PTDSS2: variants seen among roughly 807,000 people sequenced by gnomAD.
PTDSS2 encodes phosphatidylserine synthase 2.
A neutral mutation model predicts 64.7 loss-of-function variants in PTDSS2; 41 were observed. The observed-to-expected ratio is 0.63, with a 90% confidence interval of 0.49 to 0.82. The LOEUF (loss-of-function observed/expected upper bound fraction) is 0.82, where lower values mean the gene tolerates loss of function less well. PTDSS2 is among the 40% of genes least tolerant of loss of function. PTDSS2 has a pLI of 0.00. For synonymous variants in PTDSS2, 297 were observed against 277.8 expected (o/e 1.07, Z -0.69); for missense variants, 485 against 650.0 (o/e 0.75, Z 2.76).
chr11:476,656 C>T lies in PTDSS2; in HGVS notation c.368-2429C>T, dbSNP rs1262923573. ...AGCTCTGAGCAGTCAGGAGCTCTGG[C>T]GCAGGTCACCTGGCGGGATGTGGAG... On this transcript the variant is annotated intron_variant, in intron 3 of 11. Transcript: ENST00000308020. The surrounding 1 kb of genome is among the most constrained non-coding windows in gnomAD (Gnocchi z 4.9). Among the ~76,000 whole-genome samples, 2 of 152,112 alleles carry T rather than the reference C, an allele frequency of 1.3e-5. No individual in the cohort carries two copies. Among genetic ancestry groups the T allele is most frequent in the African/African-American group, 4.8e-5 (2 of 41,432 alleles).
At chr11:487,101 C>T (rs61876332) in intron 5 of PTDSS2, 28 bp downstream of exon 5, 193,369 of 1,599,426 alleles carry the variant, frequency 0.12, 13,767 homozygotes, top group Admixed American at 0.24. Context: ...CTGAGGCGAG[C>T]CCCTCCCCAG....
intron 2 of PTDSS2, among the ~76,000 whole-genome samples, chr11:466,268 GACTCAC>G (rs1198234896): frequency 6.6e-6 from 1 of 152,052 alleles, no homozygotes; most frequent in African/African-American, 2.4e-5. Flanking sequence ...GAGGTTCATC[GACTCAC>G]AGTTCCGAAT....
intron 1 of PTDSS2, chr11:459,451 G>A (rs1399377470): frequency 2.0e-5 from 3 of 153,018 alleles, no homozygotes; most frequent in African/African-American, 7.2e-5. Flanking sequence ...ATCTCTCCGA[G>A]GACACACTCC....
rs1590618973 is a variant in PTDSS2, at chr11:460,018, T to G, written c.183-169T>G. 9.9e-6 allele frequency: 6 copies of G among 606,518 alleles called. No individual in the cohort carries two copies. The highest frequency in any genetic ancestry group is 1.8e-5 in the Non-Finnish European group (6 of 331,958). The allele number at this position is 606,518 out of a possible 1,614,324, so 37.6% of individuals were successfully genotyped here. A position where few individuals can be genotyped will look rare whatever the true frequency, so the allele number is the denominator to read the frequency against. Reference sequence around the variant, plus strand: ...CCCTGACTGGCCAGCAGACGCAGGGTCATCTCGGAGTTACCCAGCTAGGGA... The same window carrying G: ...CCCTGACTGGCCAGCAGACGCAGGGGCATCTCGGAGTTACCCAGCTAGGGA... On this transcript the variant is annotated intron_variant, in intron 1 of 11. Transcript: ENST00000308020. The surrounding 1 kb of genome is among the most constrained non-coding windows in gnomAD (Gnocchi z 5.8).
In PTDSS2 at chr11:461,663, A is replaced by T. The variant is rs1353344447; in HGVS notation, c.284+1375A>T. ...CCCCTTTTTCTGAGCCTGAGGTGCC[A>T]GCTTGCTCCCAGGCCTGGCCTGGCC... On this transcript the variant is annotated intron_variant, in intron 2 of 11. Transcript: ENST00000308020. The surrounding 1 kb of genome is among the most constrained non-coding windows in gnomAD (Gnocchi z 4.2). Among the ~76,000 whole-genome samples, 1 of 152,090 alleles carries T rather than the reference A, an allele frequency of 6.6e-6. No homozygotes were observed. The highest frequency in any genetic ancestry group is 2.4e-5 in the African/African-American group (1 of 41,412).
rs531452754 is a variant in PTDSS2, at chr11:461,562, G to C, written c.284+1274G>C. On this transcript the variant is annotated intron_variant, in intron 2 of 11. Transcript: ENST00000308020. The surrounding 1 kb of genome is among the most constrained non-coding windows in gnomAD (Gnocchi z 4.2). ...TCTCCTGTCCTGGTCTCCCTACCCTGCTCCTGGCTGCATGCTCTGTGGGTT... is the reference window on the plus strand; with the variant it reads ...TCTCCTGTCCTGGTCTCCCTACCCTCCTCCTGGCTGCATGCTCTGTGGGTT... 6.6e-6 allele frequency among the ~76,000 whole-genome samples: 1 copy of C among 152,248 alleles called. No individual in the cohort carries two copies. Among genetic ancestry groups the C allele is most frequent in the African/African-American group, 2.4e-5 (1 of 41,548 alleles).
intron 4 of PTDSS2, among the ~76,000 whole-genome samples, chr11:485,492 G>T (rs1231679174): frequency 6.8e-6 from 1 of 146,034 alleles, no homozygotes; most frequent in Non-Finnish European, 1.5e-5. Context: ...CTGTGCAGGC[G>T]AGTGTAAACT....
intron 1 of PTDSS2, among the ~76,000 whole-genome samples, chr11:458,516 T>G (rs1770170010): frequency 6.7e-6 from 1 of 148,434 alleles, no homozygotes; most frequent in Non-Finnish European, 1.5e-5. Context: ...GATTTTTTTT[T>G]TTTTTTTTTT....
chr11:457,268 G>T (rs1042451185), intron 1 of PTDSS2, among the ~76,000 whole-genome samples: 1 of 152,228 alleles, frequency 6.6e-6, no homozygotes, highest in Admixed American at 6.5e-5. Context: ...CCCATGCACC[G>T]CCACAACCAC....
chr11:460,266 G>T lies in PTDSS2; in HGVS notation c.262G>T (p.Asp88Tyr), dbSNP rs1395917418. The T allele has an allele frequency of 6.2e-7, 1 of 1,613,980 alleles. No individual in the cohort carries two copies. Among genetic ancestry groups the T allele is most frequent in the African/African-American group, 1.3e-5 (1 of 74,926 alleles). Residue 88 changes from aspartate (D) to tyrosine (Y), a missense_variant, in exon 2 of 12, where the codon GAC becomes TAC. Coordinates refer to ENST00000308020, the MANE Select transcript of PTDSS2 (RefSeq NM_030783.3). This position sits in a 1 kb window ranked among gnomAD's most constrained non-coding sequence, Gnocchi z 5.8. ...GACGCTGCTGGAGGAAACACCTCAG[G>T]ACACGGCCTACAACACCAAGAGGTA... is the stretch of plus-strand genomic sequence containing the variant. ...YVTLLEETPQ[D>Y]TAYNTKRGIV...
chr11:474,071 C>A, intron 3 of PTDSS2, 94 bp downstream of exon 3: 1 of 1,050,014 alleles, frequency 9.5e-7, no homozygotes, highest in Non-Finnish European at 1.5e-6. Flanking sequence ...GTGTCCTGTC[C>A]TCCCCTCCGC....
At chr11:449,228 A>G (rs995790620), upstream of PTDSS2, among the ~76,000 whole-genome samples, 6 of 152,246 alleles carry the variant, frequency 3.9e-5, no homozygotes, top group East Asian at 7.7e-4. Context: ...CCACAATGCC[A>G]GGGCAATTTT....
intron 2 of PTDSS2, among the ~76,000 whole-genome samples, chr11:466,454 G>T (rs1847146147): frequency 1.4e-5 from 2 of 145,778 alleles, no homozygotes. Context: ...TGCCCAGGCT[G>T]GAGTGCAGTG....
intron 1 of PTDSS2, chr11:451,314 C>A: frequency 2.4e-6 from 1 of 417,928 alleles, no homozygotes; most frequent in Non-Finnish European, 5.0e-6. Flanking sequence ...AAGGAAGAGG[C>A]CCCCGGGAGC....
chr11:484,962 G>A lies in PTDSS2; in HGVS notation c.436-1977G>A, dbSNP rs370888220. Among the ~76,000 whole-genome samples, 22 of 139,102 alleles carry A rather than the reference G, an allele frequency of 1.6e-4. No homozygotes were observed. The East Asian group carries it at 2.3e-3, about 15-fold the overall frequency. 91.3% of individuals were successfully genotyped at this position (139,102 alleles called of 152,430 possible). A position where few individuals can be genotyped will look rare whatever the true frequency, so the allele number is the denominator to read the frequency against. ...GGGCGCGTGTGTGCTCACTGTGTGC[G>A]CAGGCGAGCGTAAACTGCACGGGCA... On this transcript the variant is annotated intron_variant, in intron 4 of 11. Transcript: ENST00000308020.
intron 2 of PTDSS2, among the ~76,000 whole-genome samples, chr11:464,875 A>C (rs1171291064): frequency 1.3e-5 from 2 of 152,256 alleles, no homozygotes; most frequent in Non-Finnish European, 2.9e-5. Context: ...TAATACATAT[A>C]AAACATAATG....
chr11:490,565 G>A lies in PTDSS2; in HGVS notation c.1447G>A (p.Ala483Thr), dbSNP rs1490985664. ...LGPGVAEGEG[A>T]PTPN is the part of the protein sequence containing the mutation. Reference sequence around the variant, plus strand: ...GCCTGGGGTGGCCGAGGGCGAGGGAGCACCAACTCCAAACTGACCTGGGCC... The same window carrying A: ...GCCTGGGGTGGCCGAGGGCGAGGGAACACCAACTCCAAACTGACCTGGGCC... The change falls in exon 12 of 12, where the codon GCA becomes ACA. Residue 483 changes from alanine (A) to threonine (T), a missense_variant. By Grantham distance (58) the Ala-to-Thr change is moderately conservative. This residue lies in a region of PTDSS2 where 219 missense variants were observed against 257.3 expected (regional missense o/e 0.85). Coordinates refer to ENST00000308020, the MANE Select transcript of PTDSS2 (RefSeq NM_030783.3). 2 of 1,601,728 alleles carry A rather than the reference G, an allele frequency of 1.2e-6. No individual in the cohort carries two copies. Among genetic ancestry groups the A allele is most frequent in the Non-Finnish European group, 1.7e-6 (2 of 1,174,832 alleles).
chr11:453,500 G>A (rs1361493774), intron 1 of PTDSS2, among the ~76,000 whole-genome samples: 1 of 152,216 alleles, frequency 6.6e-6, no homozygotes, highest in Non-Finnish European at 1.5e-5. Flanking sequence ...CCTCAAATGA[G>A]CCTTCTCAGT....
Position 461,825 on chromosome 11 carries a change from C to T in PTDSS2, c.284+1537C>T, listed in dbSNP as rs949897230. Among the ~76,000 whole-genome samples the T allele has an allele frequency of 1.3e-5, 2 of 152,196 alleles. No homozygotes were observed. The highest frequency in any genetic ancestry group is 2.9e-5 in the Non-Finnish European group (2 of 68,034). On this transcript the variant is annotated intron_variant, in intron 2 of 11. Transcript: ENST00000308020. The surrounding 1 kb of genome is among the most constrained non-coding windows in gnomAD (Gnocchi z 4.2). ...CAGAAATAGATGAGGGAGCATGTGC[C>T]GTGCCTGGGGCCCCTGTGGAGGGGC... is the stretch of plus-strand genomic sequence containing the variant.
Sources: gnomAD v4.1 joint callset for allele counts (sites outside exome capture counted in the v4.1 genomes callset) on GRCh38, gnomAD v4.1.1 for gene constraint, gnomAD v4.1.1 regional missense constraint, Gnocchi (gnomAD v3.1) non-coding constraint, MANE v1.5 for transcripts, NCBI Gene and HGNC (gene_info 2026-07-23, HGNC 2026-07-21) for gene names.